The following NRXN1 variants were observed in gnomAD, a reference collection of about 807,000 sequenced individuals.
The protein encoded by NRXN1 is neurexin-1.
In NRXN1, 39 loss-of-function variants were observed where a neutral mutation model predicts 150.9. That is an observed-to-expected ratio of 0.26 (90% CI 0.20 to 0.34). The LOEUF (loss-of-function observed/expected upper bound fraction) is 0.34, where lower values mean the gene tolerates loss of function less well. NRXN1 is among the 10% of genes least tolerant of loss of function. The probability of loss-of-function intolerance (pLI) is 1.00; values close to 1 mark genes in which losing one functional copy is unlikely to be tolerated. For synonymous variants in NRXN1, 924 were observed against 757.0 expected, an observed-to-expected ratio of 1.22 and a Z score of -3.62; for missense variants, 1,815 against 1,949.9, an observed-to-expected ratio of 0.93 and a Z score of 1.30.
rs559778528 is a variant in NRXN1, at chr2:50,920,124, C to A, written c.832+1745G>T. ...TCAAGTCCATCTAAAAATCTTCTCT[C>A]TCCATTTAACAGCAAAAAGCTTACT... On this transcript the variant is annotated intron_variant, in intron 5 of 22. Coordinates refer to ENST00000401669, the MANE Select transcript of NRXN1 (RefSeq NM_001330078.2). 3 of 188,542 alleles carry A rather than the reference C, an allele frequency of 1.6e-5. No individual in the cohort carries two copies. In the South Asian group the frequency reaches 2.4e-4, roughly 15 times the overall value. The allele number at this position is 188,542 out of a possible 1,614,324, so 11.7% of individuals were successfully genotyped here.
intron 5 of NRXN1, among the ~76,000 whole-genome samples, chr2:50,651,658 A>G (rs1405812335): frequency 1.3e-5 from 2 of 151,942 alleles, no homozygotes; most frequent in African/African-American, 4.8e-5. Flanking sequence ...CTCTATCTCA[A>G]AAAGAAAGAA....
intron 2 of NRXN1, among the ~76,000 whole-genome samples, chr2:50,989,977 G>C (rs1558544607): frequency 6.6e-6 from 1 of 151,866 alleles, no homozygotes; most frequent in Non-Finnish European, 1.5e-5. Flanking sequence ...ATACTTGCCA[G>C]TACTTGATAT....
chr2:50,036,729 G>A (rs901538021), intron 21 of NRXN1, among the ~76,000 whole-genome samples: 2 of 152,094 alleles, frequency 1.3e-5, no homozygotes, highest in Non-Finnish European at 2.9e-5. Context: ...GCAATGTAAC[G>A]TGAGTTCTGT....
chr2:50,511,818 A>G (rs2092463262), intron 12 of NRXN1, among the ~76,000 whole-genome samples: 1 of 152,130 alleles, frequency 6.6e-6, no homozygotes, highest in South Asian at 2.1e-4. Flanking sequence ...AAGATGGTAG[A>G]TTTTTGGCCA....
intron 18 of NRXN1, among the ~76,000 whole-genome samples, chr2:50,209,959 T>C (rs2062893312): frequency 6.6e-6 from 1 of 152,038 alleles, no homozygotes; most frequent in Admixed American, 6.6e-5. Context: ...TTAACGATAA[T>C]GCTGTATTAG....
intron 17 of NRXN1, among the ~76,000 whole-genome samples, chr2:50,461,247 G>C (rs1333068872): frequency 6.6e-6 from 1 of 151,834 alleles, no homozygotes; most frequent in Non-Finnish European, 1.5e-5. Context: ...ATTTTCTCTT[G>C]GCAAAGTTTA....
intron 8 of NRXN1, among the ~76,000 whole-genome samples, chr2:50,618,814 T>C (rs1470371228): frequency 6.6e-6 from 1 of 151,446 alleles, no homozygotes; most frequent in Non-Finnish European, 1.5e-5. Flanking sequence ...TATCATCCTC[T>C]ACAGAGCTTA....
chr2:50,580,179 G>T (rs967954240), intron 8 of NRXN1, among the ~76,000 whole-genome samples: 3 of 152,052 alleles, frequency 2.0e-5, no homozygotes, highest in Non-Finnish European at 2.9e-5. Context: ...TATTTTAAAA[G>T]AAAACAGAAG....
rs1308681782 is a variant in NRXN1, at chr2:50,018,764, T to C, written c.4128+34507A>G. On this transcript the variant is annotated intron_variant, in intron 21 of 22. Coordinates refer to ENST00000401669, the MANE Select transcript of NRXN1 (RefSeq NM_001330078.2). ...TCTTGGTATATCATCTTCTGCCACATCCTTAGCAATTAACTGAAGCTAACT... is the reference window on the plus strand; with the variant it reads ...TCTTGGTATATCATCTTCTGCCACACCCTTAGCAATTAACTGAAGCTAACT... Among the ~76,000 whole-genome samples, 4 of 152,214 alleles carry C rather than the reference T, an allele frequency of 2.6e-5. No individual in the cohort carries two copies. The South Asian group carries it at 6.2e-4, about 24-fold the overall frequency.
chr2:50,218,752 T>C (rs1414675867), intron 18 of NRXN1, among the ~76,000 whole-genome samples: 1 of 151,942 alleles, frequency 6.6e-6, no homozygotes, highest in African/African-American at 2.4e-5. Flanking sequence ...CTAAGGGAAA[T>C]AACTGCCTTT....
chr2:50,376,090 G>T (rs1182135840), intron 17 of NRXN1, among the ~76,000 whole-genome samples: 2 of 151,278 alleles, frequency 1.3e-5, no homozygotes, highest in African/African-American at 4.9e-5. Context: ...ATTGCTGAAG[G>T]GGAGAGTAAA....
intron 5 of NRXN1, among the ~76,000 whole-genome samples, chr2:50,677,816 AC>A (rs1475658754): frequency 6.6e-6 from 1 of 151,924 alleles, no homozygotes; most frequent in Non-Finnish European, 1.5e-5. Flanking sequence ...CCATTTCCAA[AC>A]CCATTCCTAC....
At chr2:50,516,667 C>T (rs1189395136) in intron 12 of NRXN1, among the ~76,000 whole-genome samples, 6 of 152,108 alleles carry the variant, frequency 3.9e-5, no homozygotes, top group Non-Finnish European at 8.8e-5. Context: ...TTCTCTTTTC[C>T]TTCTCTATTC....
intron 5 of NRXN1, among the ~76,000 whole-genome samples, chr2:50,624,158 G>C (rs1053874402): frequency 2.0e-5 from 3 of 152,104 alleles, no homozygotes; most frequent in African/African-American, 7.2e-5. Flanking sequence ...GTCCAACAAT[G>C]ATAGACTGGA....
chr2:50,995,163 G>A (rs1390086184), intron 2 of NRXN1, among the ~76,000 whole-genome samples: 1 of 151,908 alleles, frequency 6.6e-6, no homozygotes, highest in African/African-American at 2.4e-5. Context: ...CCTAAACTGA[G>A]ACATAATGAA....
At chr2:50,300,139 T>A (rs1474764384) in intron 17 of NRXN1, among the ~76,000 whole-genome samples, 1 of 152,176 alleles carries the variant, frequency 6.6e-6, no homozygotes, top group Non-Finnish European at 1.5e-5. Context: ...TAATGGACAT[T>A]TGTAAGCTAA....
rs977981898 is a variant in NRXN1 at position 50,656,276 on chromosome 2, G to A, written c.833-32661C>T. 7.3e-6 allele frequency: 5 copies of A among 680,690 alleles called. No individual in the cohort carries two copies. The Middle Eastern group carries it at 1.0e-3, about 137-fold the overall frequency. The allele number at this position is 680,690 out of a possible 1,614,324, so 42.2% of individuals were successfully genotyped here. A position where few individuals can be genotyped will look rare whatever the true frequency, so the allele number is the denominator to read the frequency against. ...CCTTCTTGGCTCAAAACCCACCCAT[G>A]AGAAATTAAATAGGCTTTTAAAGTT... On this transcript the variant is annotated intron_variant, in intron 5 of 22. Coordinates refer to ENST00000401669, the MANE Select transcript of NRXN1 (RefSeq NM_001330078.2).
intron 22 of NRXN1, among the ~76,000 whole-genome samples, chr2:49,925,736 A>G (rs1306839373): frequency 6.6e-6 from 1 of 151,886 alleles, no homozygotes; most frequent in African/African-American, 2.4e-5. Context: ...TGAATAATGT[A>G]ATTAATTAAA....
chr2:50,014,799 C>T (rs1044884463), intron 21 of NRXN1, among the ~76,000 whole-genome samples: 27 of 151,996 alleles, frequency 1.8e-4, no homozygotes, highest in African/African-American at 6.0e-4. Flanking sequence ...TCTATTACAT[C>T]CCCATAATCT....
Sources: gnomAD v4.1 joint callset for allele counts (sites outside exome capture counted in the v4.1 genomes callset) on GRCh38, gnomAD v4.1.1 for gene constraint, MANE v1.5 for transcripts, NCBI Gene and HGNC (gene_info 2026-07-23, HGNC 2026-07-21) for gene names.